The following MEI4 variants were observed in gnomAD, a reference collection of about 807,000 sequenced individuals.
The protein encoded by MEI4 is meiosis-specific protein MEI4.
MEI4 carries 27 observed loss-of-function variants against 31.4 expected under a neutral mutation model. The observed-to-expected ratio is 0.86, with a 90% CI of 0.63 to 1.19. The LOEUF (loss-of-function observed/expected upper bound fraction) is 1.19. Among genes scored for constraint, MEI4 ranks in the 50% most tolerant of loss-of-function variants. The pLI is 0.00. For synonymous variants in MEI4, 122 were observed against 145.4 expected, an observed-to-expected ratio of 0.84 and a Z score of 1.16; for missense variants, 329 against 398.9, an observed-to-expected ratio of 0.82 and a Z score of 1.49.
At chr6:77,799,310 C>G (rs1339002875) in intron 3 of MEI4, among the ~76,000 whole-genome samples, 1 of 152,164 alleles carries the variant, frequency 6.6e-6, no homozygotes, top group Non-Finnish European at 1.5e-5. Context: ...AGTGTCTGTT[C>G]ATGTCCTTCA....
At position 77,660,149 on chromosome 6, in the gene MEI4, G is replaced by T. The variant is rs537634642; in HGVS notation, c.-15+7057G>T. Among the ~76,000 whole-genome samples the T allele has an allele frequency of 7.9e-5, 12 of 152,174 alleles. No individual in the cohort carries two copies. In the South Asian group the frequency reaches 2.3e-3, roughly 29 times the overall value. Reference sequence around the variant, plus strand: ...TCTGTAAGGCGGGGACAGCTGTGTAGGCACTGGAAGAAAGGGAAATGCAAA... The same window carrying T: ...TCTGTAAGGCGGGGACAGCTGTGTATGCACTGGAAGAAAGGGAAATGCAAA... On this transcript the variant is annotated intron_variant, in intron 1 of 4. Transcript: ENST00000684080.
chr6:77,778,739 A>G (rs1197618970), intron 3 of MEI4, among the ~76,000 whole-genome samples: 2 of 151,722 alleles, frequency 1.3e-5, no homozygotes, highest in Non-Finnish European at 2.9e-5. Context: ...ATAAATAAAT[A>G]AATAAATACC....
At chr6:77,879,188 C>T (rs536257200) in intron 4 of MEI4, among the ~76,000 whole-genome samples, 33 of 152,024 alleles carry the variant, frequency 2.2e-4, no homozygotes, top group Non-Finnish European at 4.3e-4. Context: ...ATATTATTTT[C>T]TCATATTAAG....
chr6:77,867,282 C>G (rs926580108), intron 4 of MEI4, among the ~76,000 whole-genome samples: 1 of 152,158 alleles, frequency 6.6e-6, no homozygotes, highest in Non-Finnish European at 1.5e-5. Flanking sequence ...TCAGAGTGAA[C>G]AGGCAACCTA....
At chr6:77,859,602 T>G (rs149612776) in intron 4 of MEI4, among the ~76,000 whole-genome samples, 130 of 152,330 alleles carry the variant, frequency 8.5e-4, no homozygotes, top group Non-Finnish European at 1.5e-3. Flanking sequence ...TTCATTTGCA[T>G]TTCTCTGATG....
At chr6:77,802,100 A>G (rs1210054910) in intron 3 of MEI4, among the ~76,000 whole-genome samples, 2 of 152,046 alleles carry the variant, frequency 1.3e-5, no homozygotes, top group Non-Finnish European at 1.5e-5. Flanking sequence ...ATTGTATGGG[A>G]GTCTAAGTCT....
chr6:77,856,570 T>C (rs553151485), intron 4 of MEI4, among the ~76,000 whole-genome samples: 1 of 152,134 alleles, frequency 6.6e-6, no homozygotes, highest in East Asian at 1.9e-4. Flanking sequence ...GTCATGACCA[T>C]GTTGCATGAT....
intron 4 of MEI4, among the ~76,000 whole-genome samples, chr6:77,895,005 C>G (rs568824602): frequency 2.6e-5 from 4 of 152,282 alleles, no homozygotes; most frequent in African/African-American, 9.6e-5. Flanking sequence ...ATACAGATCT[C>G]TACTTTTCAA....
chr6:77,674,273 G>A (rs1257397088), intron 1 of MEI4, among the ~76,000 whole-genome samples: 3 of 152,078 alleles, frequency 2.0e-5, no homozygotes, highest in Non-Finnish European at 4.4e-5. Context: ...GGGAAAATAA[G>A]AGTTTTTAAA....
chr6:77,732,170 C>A (rs2127668158), intron 2 of MEI4, among the ~76,000 whole-genome samples: 1 of 151,698 alleles, frequency 6.6e-6, no homozygotes, highest in East Asian at 1.9e-4. Context: ...TGAAGAACGT[C>A]ATTGGTAGCT....
intron 4 of MEI4, among the ~76,000 whole-genome samples, chr6:77,862,449 T>A (rs1770891487): frequency 6.6e-6 from 1 of 152,106 alleles, no homozygotes; most frequent in African/African-American, 2.4e-5. Flanking sequence ...GCTCAGAGGG[T>A]CCTATGCCCA....
At chr6:77,764,405 A>AT (rs568200202) in intron 3 of MEI4, among the ~76,000 whole-genome samples, 149 of 151,598 alleles carry the variant, frequency 9.8e-4, no homozygotes, top group Admixed American at 1.7e-3. Context: ...GCAAACTCTT[A>AT]TTTTTTTTAT....
At chr6:77,815,805 A>T (rs1769675557) in intron 3 of MEI4, among the ~76,000 whole-genome samples, 1 of 152,010 alleles carries the variant, frequency 6.6e-6, no homozygotes, top group African/African-American at 2.4e-5. Context: ...ATAGCAGAGG[A>T]TCACACATTT....
intron 3 of MEI4, among the ~76,000 whole-genome samples, chr6:77,807,127 G>T (rs1465844749): frequency 6.7e-6 from 1 of 148,506 alleles, no homozygotes; most frequent in Admixed American, 6.8e-5. Flanking sequence ...TATTTCTTTG[G>T]AAATAGGTGT....
chr6:77,742,015 A>G (rs1416741004), intron 2 of MEI4, among the ~76,000 whole-genome samples: 1 of 151,840 alleles, frequency 6.6e-6, no homozygotes, highest in African/African-American at 2.4e-5. Context: ...GATCCAGTCT[A>G]TCATTGTTGG....
intron 1 of MEI4, among the ~76,000 whole-genome samples, chr6:77,657,548 C>T (rs577265322): frequency 6.6e-5 from 10 of 152,242 alleles, no homozygotes; most frequent in Admixed American, 3.9e-4. Context: ...GTGGTGTCAA[C>T]AATCCCTCAG....
At position 77,883,717 on chromosome 6, in the gene MEI4, G is replaced by GATAGATATATAT. The variant is rs1554172067; in HGVS notation, c.901-39369_901-39368insGATATATATATA. Among the ~76,000 whole-genome samples the GATAGATATATAT allele has an allele frequency of 1.7e-3, 72 of 43,322 alleles. 1 individual carries two copies. The highest frequency in any genetic ancestry group is 8.3e-3 in the Middle Eastern group (1 of 120). 28.4% of individuals were successfully genotyped at this position (43,322 alleles called of 152,430 possible). On this transcript the variant is annotated intron_variant, in intron 4 of 4. Transcript: ENST00000684080. ...TATGCAATGAAATGCTATTATGTAA[G>GATAGATATATAT]ATATATATATATATATATATATATA...
intron 2 of MEI4, among the ~76,000 whole-genome samples, chr6:77,696,169 G>A (rs1170411342): frequency 1.3e-5 from 2 of 152,150 alleles, no homozygotes; most frequent in African/African-American, 4.8e-5. Context: ...TTTGGACTGA[G>A]ACAATGGGGT....
intron 2 of MEI4, among the ~76,000 whole-genome samples, chr6:77,724,833 G>A (rs1170014717): frequency 1.6e-4 from 24 of 146,490 alleles, no homozygotes; most frequent in East Asian, 9.9e-4. Flanking sequence ...AACATTTTGC[G>A]TTGACTGAGC....
Sources: allele counts gnomAD v4.1 joint callset (sites outside exome capture counted in the v4.1 genomes callset), GRCh38; gene constraint gnomAD v4.1.1; transcripts MANE v1.5; gene names NCBI Gene and HGNC (gene_info 2026-07-23, HGNC 2026-07-21).